ITGA1: variants seen among roughly 807,000 people sequenced by gnomAD.
The protein encoded by ITGA1 is integrin alpha-1.
Under a neutral mutation model 145.9 loss-of-function variants are expected in ITGA1, and 85 were observed. The ratio of observed to expected loss-of-function variants is 0.58; its 90% CI spans 0.49 to 0.70. The LOEUF is 0.70. Ranked by LOEUF, ITGA1 falls within the 30% of genes least tolerant of loss-of-function variation. The probability of loss-of-function intolerance (pLI) is 0.00; values close to 1 mark genes in which losing one functional copy is unlikely to be tolerated. For missense variants in ITGA1, 1,351 were observed against 1,418.7 expected, an observed-to-expected ratio of 0.95 and a Z score of 0.77; for synonymous variants, 520 against 495.3, an observed-to-expected ratio of 1.05 and a Z score of -0.66.
chr5:52,866,222 G>T (rs1024213742), intron 6 of ITGA1, among the ~76,000 whole-genome samples: 6 of 152,058 alleles, frequency 3.9e-5, no homozygotes, highest in East Asian at 1.9e-4. Flanking sequence ...CATCATGTTG[G>T]CCAGGCTGGT....
intron 1 of ITGA1, chr5:52,801,767 T>A (rs1305320205): frequency 1.9e-6 from 3 of 1,613,936 alleles, no homozygotes; most frequent in Non-Finnish European, 2.5e-6. Context: ...TTGACTGGGG[T>A]AGCTGCCATT....
chr5:52,811,163 A>T (rs904608620), intron 1 of ITGA1, among the ~76,000 whole-genome samples: 8 of 152,216 alleles, frequency 5.3e-5, no homozygotes, highest in Non-Finnish European at 7.3e-5. Flanking sequence ...GTGAATAACC[A>T]AGTATGATAC....
intron 14 of ITGA1, among the ~76,000 whole-genome samples, chr5:52,914,217 A>G (rs566184651): frequency 2.1e-4 from 32 of 152,354 alleles, no homozygotes; most frequent in African/African-American, 7.7e-4. Context: ...TTTTCCAAGG[A>G]ATAGGTGAAG....
intron 6 of ITGA1, among the ~76,000 whole-genome samples, chr5:52,880,215 C>T (rs116376528): frequency 1.3e-5 from 2 of 152,132 alleles, no homozygotes; most frequent in Non-Finnish European, 2.9e-5. Context: ...CCCCTTCCAC[C>T]ACTTCACTAT....
intron 1 of ITGA1, among the ~76,000 whole-genome samples, chr5:52,832,360 G>A (rs1749084874): frequency 6.6e-6 from 1 of 152,194 alleles, no homozygotes; most frequent in Non-Finnish European, 1.5e-5. Context: ...TGTGGCCTGG[G>A]TGGCAGAGTC....
chr5:52,882,746 T>C lies in ITGA1; in HGVS notation c.773+725T>C, dbSNP rs111641721. 3.9e-5 allele frequency: 6 copies of C among 152,316 alleles called. 1 individual carries two copies. The highest frequency in any genetic ancestry group is 1.4e-4 in the African/African-American group (6 of 41,576). 9.4% of individuals were successfully genotyped at this position (152,316 alleles called of 1,614,324 possible). On this transcript the variant is annotated intron_variant, in intron 7 of 28. Transcript: ENST00000282588. ...ACTTTATTTCCTGTGTGTTCTCTTA[T>C]CTCATTCATTAAACTAGCAAACTTC...
chr5:52,818,812 T>G (rs1405156658), intron 1 of ITGA1, among the ~76,000 whole-genome samples: 1 of 152,194 alleles, frequency 6.6e-6, no homozygotes, highest in Non-Finnish European at 1.5e-5. Context: ...TTTTATAAAT[T>G]TTAATTCTAT....
intron 2 of ITGA1, among the ~76,000 whole-genome samples, chr5:52,851,659 A>G (rs1480459423): frequency 6.6e-6 from 1 of 152,082 alleles, no homozygotes; most frequent in Non-Finnish European, 1.5e-5. Context: ...GTCTGAATGA[A>G]TCTACACTGG....
At chr5:52,922,394 C>T (rs1750744596) in intron 17 of ITGA1, among the ~76,000 whole-genome samples, 1 of 152,098 alleles carries the variant, frequency 6.6e-6, no homozygotes, top group Non-Finnish European at 1.5e-5. Flanking sequence ...GAAAGTTTGC[C>T]CTTCTGAAGT....
intron 17 of ITGA1, among the ~76,000 whole-genome samples, chr5:52,920,741 C>G (rs926188726): frequency 2.0e-5 from 3 of 152,200 alleles, no homozygotes; most frequent in South Asian, 2.1e-4. Context: ...TTCTAGTTGA[C>G]AAGAAACCTT....
intron 1 of ITGA1, among the ~76,000 whole-genome samples, chr5:52,832,234 T>C (rs879801818): frequency 3.3e-5 from 5 of 151,912 alleles, no homozygotes; most frequent in African/African-American, 4.8e-5. Flanking sequence ...GCTGCCAACC[T>C]GAGATTAGAG....
chr5:52,805,126 A>G (rs1748565450), intron 1 of ITGA1, among the ~76,000 whole-genome samples: 1 of 152,136 alleles, frequency 6.6e-6, no homozygotes, highest in Non-Finnish European at 1.5e-5. Flanking sequence ...TTTATAGAGC[A>G]AGGACCAGTA....
chr5:52,957,766 A>T lies in ITGA1; in HGVS notation c.*5315A>T, dbSNP rs1316813456. 6.6e-6 allele frequency: 1 copy of T among 152,176 alleles called. No homozygotes were observed. Among genetic ancestry groups the T allele is most frequent in the African/African-American group, 2.4e-5 (1 of 41,436 alleles). 9.4% of individuals were successfully genotyped at this position (152,176 alleles called of 1,614,324 possible). On this transcript the variant is annotated 3_prime_UTR_variant, in exon 29 of 29. Transcript: ENST00000282588. ...GCAGACACTCAGAGATCCTTTAATT[A>T]TCTGACACACCAGGGAAATCTTGGC... is the stretch of plus-strand genomic sequence containing the variant.
Position 52,788,238 on chromosome 5 carries a change from C to A in ITGA1, c.-116C>A, listed in dbSNP as rs1748161009. The A allele has an allele frequency of 1.4e-6, 1 of 734,546 alleles. No individual in the cohort carries two copies. The highest frequency in any genetic ancestry group is 2.0e-6 in the Non-Finnish European group (1 of 493,316). 45.5% of individuals were successfully genotyped at this position (734,546 alleles called of 1,614,324 possible). A position where few individuals can be genotyped will look rare whatever the true frequency, so the allele number is the denominator to read the frequency against. On this transcript the variant is annotated 5_prime_UTR_variant, in exon 1 of 29. Coordinates refer to ENST00000282588, the MANE Select transcript of ITGA1 (RefSeq NM_181501.2). ...CTCCTGGGCGCCGCTGCCACTGGGG[C>A]AGAGGACTGGGAACCGCGGCAGCGG...
At chr5:52,910,987 AC>A (rs1370154256) in intron 14 of ITGA1, among the ~76,000 whole-genome samples, 2 of 125,592 alleles carry the variant, frequency 1.6e-5, no homozygotes, top group Admixed American at 8.3e-5. Context: ...TAGTATGTAT[AC>A]TATATATAGT....
intron 12 of ITGA1, among the ~76,000 whole-genome samples, chr5:52,906,586 A>C (rs1345902287): frequency 6.6e-6 from 1 of 152,238 alleles, no homozygotes; most frequent in African/African-American, 2.4e-5. Flanking sequence ...TGAAAGAAAG[A>C]TCTAACATGC....
chr5:52,898,232 A>T lies in ITGA1; in HGVS notation c.1165-7A>T. On this transcript the variant is annotated splice_polypyrimidine_tract_variant and splice_region_variant and intron_variant, in intron 10 of 28. Coordinates refer to ENST00000282588, the MANE Select transcript of ITGA1 (RefSeq NM_181501.2). The stretch of plus-strand genomic sequence containing the variant: ...AAATATTATTATCTTATTTATTTGC[A>T]TGTAAGGACTGGGTCATGCTTGGAG... 1 of 1,502,196 alleles carries T rather than the reference A, an allele frequency of 6.7e-7. No individual in the cohort carries two copies. The highest frequency in any genetic ancestry group is 8.9e-7 in the Non-Finnish European group (1 of 1,124,650). 93.1% of individuals were successfully genotyped at this position (1,502,196 alleles called of 1,614,324 possible).
intron 8 of ITGA1, among the ~76,000 whole-genome samples, chr5:52,892,941 T>C (rs1006077999): frequency 6.6e-6 from 1 of 152,000 alleles, no homozygotes; most frequent in African/African-American, 2.4e-5. Context: ...TTTGTCACAC[T>C]CATAGAATTG....
At chr5:52,804,017 TAAA>T (rs1396317583) in intron 1 of ITGA1, 1 of 152,206 alleles carries the variant, frequency 6.6e-6, no homozygotes, top group Non-Finnish European at 1.5e-5. Context: ...AATTATTAAA[TAAA>T]ATTTAACTCA....
Sources: gnomAD v4.1 joint callset for allele counts (sites outside exome capture counted in the v4.1 genomes callset) on GRCh38, gnomAD v4.1.1 for gene constraint, MANE v1.5 for transcripts, NCBI Gene and HGNC (gene_info 2026-07-23, HGNC 2026-07-21) for gene names.